The following RPL3L variants were observed in gnomAD, a reference collection of about 807,000 sequenced individuals.
RPL3L encodes the protein ribosomal protein L3 like.
RPL3L carries 44 observed loss-of-function variants against 44.5 expected under a neutral mutation model. The ratio of observed to expected loss-of-function variants is 0.99; its 90% CI spans 0.78 to 1.27. The LOEUF is 1.27. RPL3L is among the 50% of genes most tolerant of loss of function. The probability of loss-of-function intolerance (pLI) is 0.00; values close to 1 mark genes in which losing one functional copy is unlikely to be tolerated. For missense variants in RPL3L, 631 were observed against 569.1 expected, an observed-to-expected ratio of 1.11 and a Z score of -1.11; for synonymous variants, 292 against 230.7, an observed-to-expected ratio of 1.27 and a Z score of -2.41.
In RPL3L at chr16:1,951,019, G is replaced by A. The variant is rs569187579; in HGVS notation, c.366-40C>T. The A allele has an allele frequency of 3.2e-5, 51 of 1,604,516 alleles. 1 individual carries two copies. The highest frequency in any genetic ancestry group is 6.7e-5 in the African/African-American group (5 of 74,774). Reference sequence around the variant, plus strand: ...GGAGGGTGCTCAGAAGCCCCCAACCGGGGCAGCTCCCCAGGCCTATCCTGC... The same window carrying A: ...GGAGGGTGCTCAGAAGCCCCCAACCAGGGCAGCTCCCCAGGCCTATCCTGC... On this transcript the variant is annotated intron_variant, in intron 3 of 9. Transcript: ENST00000268661.
chr16:1,948,766 A>G (rs2083145022), intron 4 of RPL3L, among the ~76,000 whole-genome samples: 1 of 151,220 alleles, frequency 6.6e-6, no homozygotes, highest in African/African-American at 2.4e-5. Flanking sequence ...CCCAGGCTGG[A>G]GTGCAGTGGC....
At chr16:1,950,728 T>C (rs1196622713) in intron 4 of RPL3L, 116 bp downstream of exon 4, 2 of 1,539,108 alleles carry the variant, frequency 1.3e-6, no homozygotes, top group Non-Finnish European at 1.8e-6. Flanking sequence ...GCCGCTCCTC[T>C]GGGTCTGTGC....
chr16:1,950,703 C>A, intron 4 of RPL3L, 141 bp downstream of exon 4: 1 of 1,342,574 alleles, frequency 7.4e-7, no homozygotes, highest in Non-Finnish European at 1.0e-6. Context: ...TGCACGTGGC[C>A]AGCGAGGCTG....
intron 9 of RPL3L, 91 bp from the exon 10 acceptor site, chr16:1,944,984 C>G: frequency 1.3e-6 from 2 of 1,497,524 alleles, no homozygotes; most frequent in Non-Finnish European, 1.8e-6. Context: ...TCAGGGCCGG[C>G]CCTACTGCCC....
At chr16:1,949,555 A>ATTTTTTTTTTTTTTTTTT (rs563038812) in intron 4 of RPL3L, among the ~76,000 whole-genome samples, 1 of 112,038 alleles carries the variant, frequency 8.9e-6, no homozygotes. Flanking sequence ...GTCTGGCTTG[A>ATTTTTTTTTTTTTTTTTT]TTTTTTTTTT....
At chr16:1,950,667 T>C (rs892075736) in intron 4 of RPL3L, among the ~76,000 whole-genome samples, 177 bp downstream of exon 4, 1 of 152,154 alleles carries the variant, frequency 6.6e-6, no homozygotes, top group African/African-American at 2.4e-5. Flanking sequence ...AAGGCACCGA[T>C]GCCTTTCAGC....
chr16:1,948,183 C>G (rs1238012269), intron 4 of RPL3L, among the ~76,000 whole-genome samples: 1 of 151,662 alleles, frequency 6.6e-6, no homozygotes, highest in Non-Finnish European at 1.5e-5. Flanking sequence ...ATGATCCGCC[C>G]GCCTCAGCCT....
rs759634937 is a variant in RPL3L, at chr16:1,947,040, G to A, written c.747C>T (p.Arg249=). Residue 249 remains arginine, a synonymous_variant, in exon 6 of 10, where the codon CGC becomes CGT. Transcript: ENST00000268661. The stretch of plus-strand genomic sequence containing the variant: ...GCCAGGCGCCAATGCAGGCCACCTT[G>A]CGCAGGCCCTTATGGGTCTTCCGCG... The part of the protein sequence containing the change: ...KLPRKTHKGL[R]KVACIGAWHP... 19 of 1,613,014 alleles carry A rather than the reference G, an allele frequency of 1.2e-5. No individual in the cohort carries two copies. The African/African-American group carries it at 1.7e-4, about 15-fold the overall frequency.
chr16:1,944,799 A>C lies in RPL3L; in HGVS notation c.*38T>G. 1 of 1,613,348 alleles carries C rather than the reference A, an allele frequency of 6.2e-7. No homozygotes were observed. Among genetic ancestry groups the C allele is most frequent in the Non-Finnish European group, 8.5e-7 (1 of 1,179,402 alleles). ...GCCTTTGTTAGACATTGGGGCAGAC[A>C]GTGCGGTGCGCTTCAGGGTTCATCC... On this transcript the variant is annotated 3_prime_UTR_variant, in exon 10 of 10. Transcript: ENST00000268661.
chr16:1,949,357 G>C (rs1023675490), intron 4 of RPL3L, among the ~76,000 whole-genome samples: 4 of 132,446 alleles, frequency 3.0e-5, no homozygotes, highest in Non-Finnish European at 6.2e-5. Flanking sequence ...AGTTTCAAGT[G>C]ATTCTCCTGC....
At chr16:1,948,559 G>A (rs142391708) in intron 4 of RPL3L, among the ~76,000 whole-genome samples, 2,242 of 151,910 alleles carry the variant, frequency 0.015, 54 homozygotes, top group African/African-American at 0.046. Flanking sequence ...TTTTGAGACA[G>A]GGTCTCGCTC....
intron 4 of RPL3L, among the ~76,000 whole-genome samples, chr16:1,950,305 CA>C (rs1280053733): frequency 1.3e-5 from 2 of 151,910 alleles, no homozygotes; most frequent in African/African-American, 2.4e-5. Context: ...GAGATGAACA[CA>C]CACCAGTGAC....
chr16:1,950,556 C>G (rs2083164818), intron 4 of RPL3L, among the ~76,000 whole-genome samples: 1 of 152,166 alleles, frequency 6.6e-6, no homozygotes, highest in Admixed American at 6.5e-5. Context: ...AGAGAGGTGA[C>G]CAGCCCTCCA....
rs2083122855 is a variant in RPL3L at position 1,946,672 on chromosome 16, T to C, written c.904A>G (p.Asn302Asp). Residue 302 changes from asparagine (N) to aspartate (D), a missense_variant, in exon 7 of 10, where the codon AAT (asparagine) becomes GAT (aspartate). Asn to Asp is a conservative substitution (Grantham distance 23, BLOSUM62 1). Coordinates refer to ENST00000268661, the MANE Select transcript of RPL3L (RefSeq NM_005061.3). ...GTCACGTCGTAGCTGGTGGATGCAT[T>C]GTTCTTCACCAGCTTCCCGTCCTCC... ...HMEDGKLVKN[N>D]ASTSYDVTAK... is the part of the protein sequence containing the mutation. 1.2e-6 allele frequency: 2 copies of C among 1,612,878 alleles called. No homozygotes were observed. The highest frequency in any genetic ancestry group is 1.6e-4 in the Middle Eastern group (1 of 6,062).
intron 4 of RPL3L, among the ~76,000 whole-genome samples, chr16:1,949,244 G>GTTTTTTTGTTTTTTCTTTTTTTTTTTTT (rs2083149813): frequency 2.4e-5 from 2 of 81,958 alleles, no homozygotes; most frequent in Admixed American, 1.3e-4. Flanking sequence ...CCTGATTTTT[G>GTTTTTTTGTTTTTTCTTTTTTTTTTTTT]TTTTTTTTTT....
rs553381948 is a variant in RPL3L, at chr16:1,945,756, C to T, written c.1047+79G>A. On this transcript the variant is annotated intron_variant, in intron 8 of 9. Coordinates refer to ENST00000268661, the MANE Select transcript of RPL3L (RefSeq NM_005061.3). Reference sequence around the variant, plus strand: ...CCCCTTCTGCTCCCACCACTCCATCCCGCTCGTAGCAGGCCGCAGGGCAGG... The same window carrying T: ...CCCCTTCTGCTCCCACCACTCCATCTCGCTCGTAGCAGGCCGCAGGGCAGG... 5 of 1,605,432 alleles carry T rather than the reference C, an allele frequency of 3.1e-6. No homozygotes were observed. In the South Asian group the frequency reaches 4.4e-5, roughly 14 times the overall value.
At chr16:1,946,897 T>C (rs2083125315) in intron 6 of RPL3L, 41 bp downstream of exon 6, 1 of 1,572,494 alleles carries the variant, frequency 6.4e-7, no homozygotes, top group Non-Finnish European at 8.6e-7. Context: ...AGGGCTGGGG[T>C]CCGACCACAC....
rs569184149 is a variant in RPL3L at position 1,946,859 on chromosome 16, T to C, written c.849+79A>G. The C allele has an allele frequency of 1.4e-4, 226 of 1,558,836 alleles. No individual in the cohort carries two copies. The African/African-American group carries it at 2.4e-3, about 17-fold the overall frequency. On this transcript the variant is annotated intron_variant, in intron 6 of 9. Coordinates refer to ENST00000268661, the MANE Select transcript of RPL3L (RefSeq NM_005061.3). The stretch of plus-strand genomic sequence containing the variant: ...TGTGTCCCCGGCAGTGTCTGGGTCA[T>C]GCACCCCACCCACTGAGGCCAGTAC...
Position 1,947,033 on chromosome 16 carries a change from C to G in RPL3L, c.754G>C (p.Ala252Pro). The G allele has an allele frequency of 6.2e-7, 1 of 1,612,868 alleles. No individual in the cohort carries two copies. Among genetic ancestry groups the G allele is most frequent in the Non-Finnish European group, 8.5e-7 (1 of 1,179,842 alleles). Reference sequence around the variant, plus strand: ...GCGGGGTGCCAGGCGCCAATGCAGGCCACCTTGCGCAGGCCCTTATGGGTC... The same window carrying G: ...GCGGGGTGCCAGGCGCCAATGCAGGGCACCTTGCGCAGGCCCTTATGGGTC... Reference protein sequence around the residue: ...RKTHKGLRKVACIGAWHPARV... With the variant: ...RKTHKGLRKVPCIGAWHPARV... Residue 252 changes from alanine (A) to proline (P), a missense_variant, in exon 6 of 10, where the codon GCC becomes CCC. Ala to Pro is a conservative substitution (Grantham distance 27). Coordinates refer to ENST00000268661, the MANE Select transcript of RPL3L (RefSeq NM_005061.3).
Sources: gnomAD v4.1 joint callset for allele counts (sites outside exome capture counted in the v4.1 genomes callset) on GRCh38, gnomAD v4.1.1 for gene constraint, MANE v1.5 for transcripts, NCBI Gene and HGNC (gene_info 2026-07-23, HGNC 2026-07-21) for gene names.